Variants in TAFA2 observed in about 807,000 individuals in gnomAD.
The protein encoded by TAFA2 is chemokine-like protein TAFA-2.
In TAFA2, 7 loss-of-function variants were observed where a neutral mutation model predicts 18.8. The observed-to-expected ratio is 0.37, with a 90% confidence interval of 0.21 to 0.70. The LOEUF (loss-of-function observed/expected upper bound fraction) is 0.70, where lower values mean the gene tolerates loss of function less well. Ranked by LOEUF, TAFA2 falls within the 30% of genes least tolerant of loss-of-function variation. TAFA2 has a pLI of 0.53. For synonymous variants in TAFA2, 60 were observed against 54.2 expected, an observed-to-expected ratio of 1.11 and a Z score of -0.47; for missense variants, 122 against 158.1, an observed-to-expected ratio of 0.77 and a Z score of 1.23.
At chr12:62,252,298 C>G (rs991229563) in intron 1 of TAFA2, 1 of 152,228 alleles carries the variant, frequency 6.6e-6, no homozygotes, top group Non-Finnish European at 1.5e-5. Context: ...CTGACCTCCT[C>G]CCAGTATTTA....
At chr12:62,258,131 T>G (rs1021462793) in intron 1 of TAFA2, 1 of 152,200 alleles carries the variant, frequency 6.6e-6, no homozygotes, top group South Asian at 2.1e-4. Context: ...ACCAAAATCA[T>G]GTGATTGCTG....
Position 61,934,047 on chromosome 12 carries a change from C to T in TAFA2, c.-1-66621G>A, listed in dbSNP as rs541323917. 5.3e-5 allele frequency among the ~76,000 whole-genome samples: 8 copies of T among 152,240 alleles called. No individual in the cohort carries two copies. The South Asian group carries it at 1.7e-3, about 32-fold the overall frequency. On this transcript the variant is annotated intron_variant, in intron 1 of 4. Transcript: ENST00000416284. ...CCCAAAGTCACACAGCCAGAAACTG[C>T]CTAATGCCTCATTTTCGTTGTATAT...
intron 4 of TAFA2, among the ~76,000 whole-genome samples, chr12:61,738,318 CACACACACACAA>C (rs1440294565): frequency 6.7e-6 from 1 of 149,540 alleles, no homozygotes; most frequent in African/African-American, 2.4e-5. Flanking sequence ...CACACACACA[CACACACACACAA>C]ACCTAGCTCA....
chr12:62,057,399 A>C (rs1449250459), intron 1 of TAFA2, among the ~76,000 whole-genome samples: 1 of 152,074 alleles, frequency 6.6e-6, no homozygotes, highest in Non-Finnish European at 1.5e-5. Context: ...CTTCTCAAGA[A>C]ACCAAATTTT....
At chr12:62,065,050 T>C (rs1029553253) in intron 1 of TAFA2, among the ~76,000 whole-genome samples, 2 of 152,166 alleles carry the variant, frequency 1.3e-5, no homozygotes, top group South Asian at 2.1e-4. Context: ...TTTAGATAGC[T>C]GTTGTTGCTA....
At chr12:61,748,494 T>C (rs542037898) in intron 4 of TAFA2, among the ~76,000 whole-genome samples, 2 of 152,218 alleles carry the variant, frequency 1.3e-5, no homozygotes, top group South Asian at 4.1e-4. Flanking sequence ...GATTGAAGAA[T>C]TTACACGAAT....
intron 4 of TAFA2, among the ~76,000 whole-genome samples, chr12:61,736,308 T>C (rs891319120): frequency 2.0e-5 from 3 of 152,056 alleles, no homozygotes; most frequent in African/African-American, 7.2e-5. Flanking sequence ...CCTCCAAACA[T>C]ATCATCTTAT....
At chr12:62,222,499 A>G (rs941468405) in intron 1 of TAFA2, among the ~76,000 whole-genome samples, 1 of 151,748 alleles carries the variant, frequency 6.6e-6, no homozygotes, top group Admixed American at 6.6e-5. Flanking sequence ...CAAGGATATT[A>G]TTTATTATTA....
intron 1 of TAFA2, among the ~76,000 whole-genome samples, chr12:62,100,972 C>T (rs914012458): frequency 6.6e-6 from 1 of 152,116 alleles, no homozygotes; most frequent in Non-Finnish European, 1.5e-5. Context: ...ATACTGCACC[C>T]TACATTTTCC....
intron 1 of TAFA2, among the ~76,000 whole-genome samples, chr12:62,229,379 A>T (rs2062802226): frequency 6.6e-6 from 1 of 151,784 alleles, no homozygotes; most frequent in Non-Finnish European, 1.5e-5. Context: ...TATGGTTTTG[A>T]GGTATGTCTT....
chr12:62,210,308 A>T lies in TAFA2; in HGVS notation c.-130+48455T>A, dbSNP rs1419776340. Among the ~76,000 whole-genome samples the T allele has an allele frequency of 2.6e-5, 4 of 152,190 alleles. No individual in the cohort carries two copies. In the East Asian group the frequency reaches 5.8e-4, roughly 22 times the overall value. ...CTAGTTCCCAGTTCATTGTTTTTTC[A>T]TTTGACATATTGTTGTGATTTAATT... On this transcript the variant is annotated intron_variant, in intron 1 of 5. Coordinates refer to the TAFA2 transcript ENST00000551619.
intron 1 of TAFA2, among the ~76,000 whole-genome samples, chr12:62,136,345 C>T (rs1175427278): frequency 1.3e-5 from 2 of 152,094 alleles, no homozygotes; most frequent in Non-Finnish European, 2.9e-5. Flanking sequence ...TAGAATCATA[C>T]AACATGTGGC....
intron 1 of TAFA2, among the ~76,000 whole-genome samples, chr12:62,068,490 A>AT (rs1292173452): frequency 5.9e-5 from 9 of 152,026 alleles, no homozygotes; most frequent in Non-Finnish European, 1.3e-4. Context: ...AACTTAAGCT[A>AT]TTTTTTCTGC....
chr12:61,917,103 G>A lies in TAFA2; in HGVS notation c.-1-49677C>T, dbSNP rs150180212. On this transcript the variant is annotated intron_variant, in intron 1 of 4. Transcript: ENST00000416284. ...ATATACAAGGATAGGAGAGGGAAAT[G>A]AAGATGACTGTTCAAGATCAAGAGG... 2.0e-3 allele frequency among the ~76,000 whole-genome samples: 309 copies of A among 152,292 alleles called. 4 individuals carry two copies. Among genetic ancestry groups the A allele is most frequent in the African/African-American group, 7.3e-3 (302 of 41,570 alleles).
chr12:61,748,400 T>C (rs1237464488), intron 4 of TAFA2, among the ~76,000 whole-genome samples: 1 of 152,088 alleles, frequency 6.6e-6, no homozygotes, highest in African/African-American at 2.4e-5. Flanking sequence ...AATGGGGATG[T>C]GTCTGTTAAG....
chr12:62,240,581 A>G (rs755258259), intron 1 of TAFA2, among the ~76,000 whole-genome samples: 18 of 152,202 alleles, frequency 1.2e-4, no homozygotes, highest in Non-Finnish European at 2.4e-4. Flanking sequence ...AAGTCCCAAG[A>G]TAAAGCCCTT....
At chr12:62,156,513 C>A (rs1217595511) in intron 1 of TAFA2, among the ~76,000 whole-genome samples, 1 of 152,090 alleles carries the variant, frequency 6.6e-6, no homozygotes, top group African/African-American at 2.4e-5. Context: ...TATAGCAGCA[C>A]AATTCACAAT....
intron 1 of TAFA2, among the ~76,000 whole-genome samples, chr12:62,132,903 T>C (rs932465223): frequency 1.3e-5 from 2 of 151,948 alleles, no homozygotes; most frequent in African/African-American, 4.8e-5. Flanking sequence ...TTTGCAGAAG[T>C]CTAGATTCAG....
chr12:62,067,414 C>CTTTT (rs1882518740), intron 1 of TAFA2, among the ~76,000 whole-genome samples: 2 of 151,864 alleles, frequency 1.3e-5, no homozygotes, highest in Non-Finnish European at 2.9e-5. Context: ...GAGAGTTTCC[C>CTTTT]CTATGTTTTC....
Sources: allele counts gnomAD v4.1 joint callset (sites outside exome capture counted in the v4.1 genomes callset), GRCh38; gene constraint gnomAD v4.1.1; transcripts MANE v1.5; gene names NCBI Gene and HGNC (gene_info 2026-07-23, HGNC 2026-07-21).